The following SSH2 variants were observed in gnomAD, a reference collection of about 807,000 sequenced individuals.
SSH2 encodes slingshot protein phosphatase 2, also known as protein phosphatase Slingshot homolog 2.
SSH2 carries 37 observed loss-of-function variants against 135.2 expected under a neutral mutation model. That is an observed-to-expected ratio of 0.27 (90% CI 0.21 to 0.36). SSH2 has a LOEUF of 0.36. Among genes scored for constraint, SSH2 ranks in the 10% least tolerant of loss-of-function variants. The pLI is 1.00. For synonymous variants in SSH2, 628 were observed against 646.2 expected (o/e 0.97, Z 0.43); for missense variants, 1,408 against 1,765.3 (o/e 0.80, Z 3.63).
intron 3 of SSH2, among the ~76,000 whole-genome samples, chr17:29,767,183 C>G (rs2041466413): frequency 6.6e-6 from 1 of 152,118 alleles, no homozygotes; most frequent in South Asian, 2.1e-4. Flanking sequence ...TTCATCCCCC[C>G]ATAGTCTTAA....
At chr17:29,876,366 A>G (rs1290888737) in intron 1 of SSH2, among the ~76,000 whole-genome samples, 1 of 152,174 alleles carries the variant, frequency 6.6e-6, no homozygotes, top group Non-Finnish European at 1.5e-5. Context: ...CATTTTTGGG[A>G]AAGGTGTCAA....
At chr17:29,813,768 A>G (rs1567990327) in intron 2 of SSH2, among the ~76,000 whole-genome samples, 1 of 151,532 alleles carries the variant, frequency 6.6e-6, no homozygotes, top group African/African-American at 2.4e-5. Context: ...CAGTGAGCTG[A>G]GATTGCGCCA....
chr17:29,709,222 A>G (rs2039347932), intron 3 of SSH2, among the ~76,000 whole-genome samples: 1 of 152,120 alleles, frequency 6.6e-6, no homozygotes, highest in Non-Finnish European at 1.5e-5. Context: ...AAATCTATAC[A>G]GCTAGTAAGC....
At chr17:29,852,908 T>C (rs2065590479) in intron 1 of SSH2, among the ~76,000 whole-genome samples, 1 of 151,808 alleles carries the variant, frequency 6.6e-6, no homozygotes, top group African/African-American at 2.4e-5. Context: ...GAACAGTCTT[T>C]CTCATGAGTA....
intron 14 of SSH2, chr17:29,647,849 G>C (rs1400958078): frequency 3.2e-6 from 1 of 314,894 alleles, no homozygotes; most frequent in Non-Finnish European, 6.1e-6. Flanking sequence ...TTTAAGTAGA[G>C]ACGGGGTTTC....
intron 3 of SSH2, among the ~76,000 whole-genome samples, chr17:29,738,210 G>C (rs2040434893): frequency 6.6e-6 from 1 of 152,160 alleles, no homozygotes; most frequent in Non-Finnish European, 1.5e-5. Context: ...AGTTTGCTCA[G>C]AATGATGGTT....
At chr17:29,782,550 A>C (rs1037562836) in intron 3 of SSH2, among the ~76,000 whole-genome samples, 2 of 152,116 alleles carry the variant, frequency 1.3e-5, no homozygotes, top group East Asian at 3.8e-4. Flanking sequence ...ATTACTACTC[A>C]AATCAGTCTT....
chr17:29,709,013 T>TAGAGAGAGAGAGAGAGAGAG (rs779414759), intron 3 of SSH2, among the ~76,000 whole-genome samples: 1 of 88,174 alleles, frequency 1.1e-5, no homozygotes, highest in Admixed American at 1.2e-4. Flanking sequence ...TATATATATA[T>TAGAGAGAGAGAGAGAGAGAG]ATAGAGAGAG....
chr17:29,699,685 G>C (rs536555979), intron 4 of SSH2, among the ~76,000 whole-genome samples: 1 of 152,304 alleles, frequency 6.6e-6, no homozygotes, highest in Non-Finnish European at 1.5e-5. Context: ...ACATGCCATA[G>C]AGTAATTTGC....
At chr17:29,768,901 T>C (rs768070733) in intron 3 of SSH2, among the ~76,000 whole-genome samples, 3 of 151,996 alleles carry the variant, frequency 2.0e-5, no homozygotes, top group Non-Finnish European at 4.4e-5. Context: ...TGACATTCAG[T>C]GTGTGTCAGG....
intron 2 of SSH2, among the ~76,000 whole-genome samples, chr17:29,826,847 A>G (rs566183601): frequency 1.3e-5 from 2 of 152,326 alleles, no homozygotes; most frequent in Non-Finnish European, 2.9e-5. Context: ...ATGACCATCC[A>G]GTGGTAGAAA....
chr17:29,631,292 G>A lies in SSH2; in HGVS notation c.3902C>T (p.Pro1301Leu). The change falls in exon 16 of 16, where the codon CCA becomes CTA. Residue 1301 changes from proline to leucine, a missense_variant. Pro to Leu is a moderately conservative substitution (Grantham distance 98). Around this residue, in one of 3 missense-constraint regions of SSH2, gnomAD observed 1,080 missense variants for 1,144.5 expected, o/e 0.94. Transcript: ENST00000540801. ...GYLDLCKDCL[P>L]EREPASCESP... ...TTCACAGGAGGCAGGCTCCCTCTCTGGTAAGCAGTCTTTACAGAGGTCCAA... is the reference window on the plus strand; with the variant it reads ...TTCACAGGAGGCAGGCTCCCTCTCTAGTAAGCAGTCTTTACAGAGGTCCAA... The A allele has an allele frequency of 6.2e-7, 1 of 1,614,146 alleles. No individual in the cohort carries two copies.
chr17:29,695,617 T>G lies in SSH2; in HGVS notation c.293-94A>C. 2.8e-6 allele frequency: 3 copies of G among 1,062,088 alleles called. No homozygotes were observed. In the South Asian group the frequency reaches 4.4e-5, roughly 16 times the overall value. The allele number at this position is 1,062,088 out of a possible 1,614,324, so 65.8% of individuals were successfully genotyped here. A position where few individuals can be genotyped will look rare whatever the true frequency, so the allele number is the denominator to read the frequency against. On this transcript the variant is annotated intron_variant, in intron 4 of 15. Transcript: ENST00000540801. ...CTTTAGTGACTTTTGTAAAAGAAAGTTCTGATTCATTAAAGGACTCTAATT... is the reference window on the plus strand; with the variant it reads ...CTTTAGTGACTTTTGTAAAAGAAAGGTCTGATTCATTAAAGGACTCTAATT...
chr17:29,885,528 T>C (rs1216672903), intron 1 of SSH2, among the ~76,000 whole-genome samples: 1 of 152,022 alleles, frequency 6.6e-6, no homozygotes, highest in African/African-American at 2.4e-5. Context: ...GAAACACCAA[T>C]CCTTGATTAG....
chr17:29,662,206 C>T (rs907916262), intron 11 of SSH2, among the ~76,000 whole-genome samples: 6 of 152,136 alleles, frequency 3.9e-5, no homozygotes, highest in Admixed American at 1.3e-4. Flanking sequence ...TTGCACTGTA[C>T]GCTGGCCCAA....
intron 3 of SSH2, among the ~76,000 whole-genome samples, chr17:29,742,098 T>A (rs2151208523): frequency 6.6e-6 from 1 of 151,822 alleles, no homozygotes; most frequent in Admixed American, 6.6e-5. Flanking sequence ...CCATGTCCGA[T>A]TAATTTTTTG....
intron 2 of SSH2, among the ~76,000 whole-genome samples, chr17:29,830,121 G>T (rs2042819363): frequency 6.6e-6 from 1 of 152,126 alleles, no homozygotes; most frequent in Non-Finnish European, 1.5e-5. Flanking sequence ...TTAGAGGTGT[G>T]AGCCACCGCA....
chr17:29,657,413 G>A (rs886131699), intron 11 of SSH2, among the ~76,000 whole-genome samples: 2 of 151,256 alleles, frequency 1.3e-5, no homozygotes, highest in Non-Finnish European at 2.9e-5. Flanking sequence ...GGGATTACAG[G>A]TGCCTGCCAC....
chr17:29,910,499 A>C (rs2066747497), intron 1 of SSH2, among the ~76,000 whole-genome samples: 1 of 152,234 alleles, frequency 6.6e-6, no homozygotes, highest in South Asian at 2.1e-4. Flanking sequence ...ATTTATTCAG[A>C]GAGTAAGTGT....
Sources: allele counts gnomAD v4.1 joint callset (sites outside exome capture counted in the v4.1 genomes callset), GRCh38; gene constraint gnomAD v4.1.1; regional missense constraint gnomAD v4.1.1; transcripts MANE v1.5; gene names NCBI Gene and HGNC (gene_info 2026-07-23, HGNC 2026-07-21).